CNOT6L: variants seen among roughly 807,000 people sequenced by gnomAD.
The protein encoded by CNOT6L is CCR4-NOT transcription complex subunit 6 like.
In CNOT6L, 7 loss-of-function variants were observed where a neutral mutation model predicts 64.0. The observed-to-expected ratio is 0.11, with a 90% CI of 0.06 to 0.21. The LOEUF is 0.21. Ranked by LOEUF, CNOT6L falls within the 10% of genes least tolerant of loss-of-function variation. The pLI, the probability that CNOT6L is intolerant of heterozygous loss-of-function variation, is 1.00. For synonymous variants in CNOT6L, 193 were observed against 243.4 expected (o/e 0.79, Z 1.93); for missense variants, 245 against 669.0 (o/e 0.37, Z 6.99).
chr4:77,819,470 C>A, upstream of CNOT6L: 1 of 1,426,958 alleles, frequency 7.0e-7, no homozygotes, highest in Non-Finnish European at 9.4e-7. Flanking sequence ...CGGCGGGCCT[C>A]GCTCCCGCCC....
At chr4:77,819,771 G>A (rs550635564), upstream of CNOT6L, among the ~76,000 whole-genome samples, 168 of 150,434 alleles carry the variant, frequency 1.1e-3, no homozygotes, top group African/African-American at 3.9e-3. Context: ...CGGGGCGGGC[G>A]GGCCGGGCCG....
At chr4:77,797,896 G>A (rs2110131723) in intron 1 of CNOT6L, among the ~76,000 whole-genome samples, 1 of 152,246 alleles carries the variant, frequency 6.6e-6, no homozygotes, top group South Asian at 2.1e-4. Context: ...AAAATATCTA[G>A]AAGAAAACAC....
Position 77,796,922 on chromosome 4 carries a change from G to T in CNOT6L, c.6-20530C>A, listed in dbSNP as rs141107740. On this transcript the variant is annotated intron_variant, in intron 1 of 11. Transcript: ENST00000504123. ...ATGGCAAAACCCCATGTCTAACAGA[G>T]AAATACAAAAAAATTAGCTGGGCAT... 1.8e-3 allele frequency among the ~76,000 whole-genome samples: 277 copies of T among 151,700 alleles called. 3 individuals carry two copies. The highest frequency in any genetic ancestry group is 6.2e-3 in the African/African-American group (257 of 41,384).
upstream of CNOT6L, chr4:77,819,392 C>G (rs1734041732): frequency 1.2e-6 from 2 of 1,607,384 alleles, no homozygotes; most frequent in Non-Finnish European, 1.7e-6. Flanking sequence ...CGCGCGCGCA[C>G]CAGGCCCCCA....
intron 4 of CNOT6L, among the ~76,000 whole-genome samples, chr4:77,764,783 G>T (rs1271602305): frequency 1.3e-5 from 2 of 152,092 alleles, no homozygotes; most frequent in East Asian, 3.9e-4. Flanking sequence ...AAATACAAGA[G>T]ACCCTAAAAG....
intron 1 of CNOT6L, among the ~76,000 whole-genome samples, chr4:77,787,574 T>C (rs1184649761): frequency 1.3e-5 from 2 of 152,168 alleles, no homozygotes; most frequent in South Asian, 4.1e-4. Context: ...TAATCACTAG[T>C]GTAGTGAAGA....
At chr4:77,734,231 G>GA (rs1249208909) in intron 8 of CNOT6L, among the ~76,000 whole-genome samples, 1 of 151,960 alleles carries the variant, frequency 6.6e-6, no homozygotes, top group Non-Finnish European at 1.5e-5. Context: ...CAAAAACGTG[G>GA]AAAAAATGAT....
chr4:77,719,666 T>C lies in CNOT6L; in HGVS notation c.*765A>G, dbSNP rs1449038127. Reference sequence around the variant, plus strand: ...ATTCTATTTTCAAGGTATGTGGCAATACAGATTACTTACTTTTTCTCTATA... The same window carrying C: ...ATTCTATTTTCAAGGTATGTGGCAACACAGATTACTTACTTTTTCTCTATA... On this transcript the variant is annotated 3_prime_UTR_variant, in exon 12 of 12. Coordinates refer to ENST00000504123, the MANE Select transcript of CNOT6L (RefSeq NM_144571.3). The C allele has an allele frequency of 6.6e-6, 1 of 152,628 alleles. No individual in the cohort carries two copies. The highest frequency in any genetic ancestry group is 1.9e-4 in the East Asian group (1 of 5,198). The allele number at this position is 152,628 out of a possible 1,614,324, so 9.5% of individuals were successfully genotyped here.
intron 1 of CNOT6L, among the ~76,000 whole-genome samples, chr4:77,804,104 TATA>T (rs1382988048): frequency 6.6e-6 from 1 of 152,088 alleles, no homozygotes; most frequent in Non-Finnish European, 1.5e-5. Context: ...ACCAAGTATG[TATA>T]ATAATATATT....
chr4:77,778,054 T>C (rs1264459324), intron 1 of CNOT6L, among the ~76,000 whole-genome samples: 2 of 152,232 alleles, frequency 1.3e-5, no homozygotes, highest in Non-Finnish European at 2.9e-5. Context: ...TGCTAAACCG[T>C]ATTTTATTTT....
intron 1 of CNOT6L, among the ~76,000 whole-genome samples, chr4:77,810,393 C>T (rs28555143): frequency 0.069 from 10,512 of 152,140 alleles, 456 homozygotes; most frequent in East Asian, 0.11. Flanking sequence ...GCCATTGATG[C>T]TGAAATGTTT....
chr4:77,733,466 A>C (rs893070132), intron 8 of CNOT6L, among the ~76,000 whole-genome samples: 2 of 152,116 alleles, frequency 1.3e-5, no homozygotes, highest in Non-Finnish European at 2.9e-5. Context: ...TATTTGAAAC[A>C]TGTGAGTGAA....
At chr4:77,786,446 T>G (rs1423313437) in intron 1 of CNOT6L, among the ~76,000 whole-genome samples, 1 of 152,106 alleles carries the variant, frequency 6.6e-6, no homozygotes, top group Admixed American at 6.6e-5. Flanking sequence ...AGACCCTGTC[T>G]GTATTGCTAA....
At chr4:77,800,651 T>A (rs6857067) in intron 1 of CNOT6L, among the ~76,000 whole-genome samples, 131,341 of 152,224 alleles carry the variant, frequency 0.86, 56,900 homozygotes, top group Non-Finnish European at 0.9. Flanking sequence ...AACATAAAAG[T>A]TGTGTAAAGA....
chr4:77,735,806 T>C (rs1326419444), intron 8 of CNOT6L, among the ~76,000 whole-genome samples: 4 of 152,232 alleles, frequency 2.6e-5, no homozygotes, highest in Non-Finnish European at 4.4e-5. Context: ...AGTTAAAATA[T>C]CCTCCTCACT....
chr4:77,809,486 T>G (rs540391670), intron 1 of CNOT6L, among the ~76,000 whole-genome samples: 1 of 152,320 alleles, frequency 6.6e-6, no homozygotes, highest in East Asian at 1.9e-4. Context: ...TACCATTCTG[T>G]ATATAACTCA....
intron 8 of CNOT6L, among the ~76,000 whole-genome samples, chr4:77,733,534 A>C (rs889251495): frequency 4.6e-5 from 7 of 152,058 alleles, no homozygotes; most frequent in Non-Finnish European, 4.4e-5. Context: ...GATATCTTCT[A>C]AATATTCACA....
At chr4:77,780,762 CAAAAG>C (rs1728771033) in intron 1 of CNOT6L, among the ~76,000 whole-genome samples, 1 of 152,186 alleles carries the variant, frequency 6.6e-6, no homozygotes, top group Non-Finnish European at 1.5e-5. Flanking sequence ...TTCTATTAAA[CAAAAG>C]CTTCAGATAA....
At chr4:77,727,159 TA>T in intron 10 of CNOT6L, among the ~76,000 whole-genome samples, 1 of 152,316 alleles carries the variant, frequency 6.6e-6, no homozygotes, top group Middle Eastern at 3.4e-3. Flanking sequence ...CAGAAGGCAC[TA>T]TCATTTGTCT....
Sources: allele counts gnomAD v4.1 joint callset (sites outside exome capture counted in the v4.1 genomes callset), GRCh38; gene constraint gnomAD v4.1.1; transcripts MANE v1.5; gene names NCBI Gene and HGNC (gene_info 2026-07-23, HGNC 2026-07-21).